Variants in NT5E observed in about 807,000 individuals in gnomAD.
NT5E encodes the protein 5'-nucleotidase ecto, also known as 5'-nucleotidase.
In NT5E, 53 loss-of-function variants were observed where a neutral mutation model predicts 55.1. That is an observed-to-expected ratio of 0.96 (90% CI 0.77 to 1.21). The LOEUF is 1.21. Among genes scored for constraint, NT5E ranks in the 50% most tolerant of loss-of-function variants. The pLI is 0.00. For missense variants in NT5E, 683 were observed against 724.3 expected, an observed-to-expected ratio of 0.94 and a Z score of 0.65; for synonymous variants, 270 against 278.4, an observed-to-expected ratio of 0.97 and a Z score of 0.30.
chr6:85,450,093 A>G lies in NT5E; in HGVS notation c.-47A>G. 1 of 1,482,334 alleles carries G rather than the reference A, an allele frequency of 6.7e-7. No individual in the cohort carries two copies. The highest frequency in any genetic ancestry group is 2.5e-5 in the East Asian group (1 of 40,334). 91.8% of individuals were successfully genotyped at this position (1,482,334 alleles called of 1,614,324 possible). The stretch of plus-strand genomic sequence containing the variant: ...TAGCTGCTCGCCCCTACTCGCCGGC[A>G]CTCGCCCGGCTCGCCCGCTTTCGCA... On this transcript the variant is annotated 5_prime_UTR_variant, in exon 1 of 9. Coordinates refer to ENST00000257770, the MANE Select transcript of NT5E (RefSeq NM_002526.4). This position sits in a 1 kb window ranked among gnomAD's most constrained non-coding sequence, Gnocchi z 4.0.
At chr6:85,477,134 C>T (rs1471638138) in intron 3 of NT5E, among the ~76,000 whole-genome samples, 2 of 152,032 alleles carry the variant, frequency 1.3e-5, no homozygotes, top group African/African-American at 2.4e-5. Context: ...CACCTTCAGA[C>T]TTATGAAAGC....
At chr6:85,474,477 A>C (rs1769384549) in intron 3 of NT5E, among the ~76,000 whole-genome samples, 1 of 152,226 alleles carries the variant, frequency 6.6e-6, no homozygotes, top group African/African-American at 2.4e-5. Context: ...GAGTTTGCTT[A>C]TCTGTAAATC....
At chr6:85,475,692 C>A (rs148396072) in intron 3 of NT5E, among the ~76,000 whole-genome samples, 2 of 152,292 alleles carry the variant, frequency 1.3e-5, no homozygotes, top group African/African-American at 4.8e-5. Flanking sequence ...CTTGAAGGGA[C>A]TCCAAAGATG....
chr6:85,487,517 G>T (rs1769693482), intron 5 of NT5E, 28 bp downstream of exon 5: 1 of 1,613,666 alleles, frequency 6.2e-7, no homozygotes, highest in Non-Finnish European at 8.5e-7. Flanking sequence ...GTGGACATAT[G>T]CTAGGGAGGA....
rs751032063 is a variant in NT5E at position 85,490,606 on chromosome 6, C to G, written c.1309C>G (p.His437Asp). The G allele has an allele frequency of 3.2e-5, 52 of 1,614,086 alleles. No individual in the cohort carries two copies. The Admixed American group carries it at 8.5e-4, about 26-fold the overall frequency. The stretch of plus-strand genomic sequence containing the variant: ...TTCCACCCTGAAGAAGGCCTTTGAG[C>G]ATAGCGTGCACCGCTACGGCCAGTC... ...KGSTLKKAFE[H>D]SVHRYGQSTG... The change falls in exon 7 of 9, where the codon CAT (histidine) becomes GAT (aspartate). Residue 437 changes from histidine (H) to aspartate (D), a missense_variant. Coordinates refer to ENST00000257770, the MANE Select transcript of NT5E (RefSeq NM_002526.4).
intron 1 of NT5E, 67 bp from the exon 2 acceptor site, chr6:85,466,993 A>G (rs1169281041): frequency 7.0e-7 from 1 of 1,438,004 alleles, no homozygotes; most frequent in East Asian, 2.4e-5. Context: ...GTCAGTTTTG[A>G]GAAATACTGG....
chr6:85,483,984 C>T (rs964898565), intron 3 of NT5E, among the ~76,000 whole-genome samples: 3 of 152,082 alleles, frequency 2.0e-5, no homozygotes, highest in South Asian at 2.1e-4. Context: ...GCTGTGTGAC[C>T]GTGGGTACTC....
At chr6:85,479,766 C>G (rs1769506397) in intron 3 of NT5E, among the ~76,000 whole-genome samples, 1 of 152,216 alleles carries the variant, frequency 6.6e-6, no homozygotes, top group African/African-American at 2.4e-5. Flanking sequence ...CTCTCCACCC[C>G]ATTCTTTTGG....
At chr6:85,460,349 A>C (rs1437711217) in intron 1 of NT5E, among the ~76,000 whole-genome samples, 2 of 152,226 alleles carry the variant, frequency 1.3e-5, no homozygotes, top group East Asian at 3.8e-4. Context: ...GCAAGGAGTT[A>C]CTGTCAATCA....
At chr6:85,467,393 G>A in intron 2 of NT5E, 111 bp downstream of exon 2, 1 of 867,538 alleles carries the variant, frequency 1.2e-6, no homozygotes, top group Non-Finnish European at 1.9e-6. Flanking sequence ...GGTAAATAGT[G>A]CACTAGAATA....
At position 85,467,166 on chromosome 6, in the gene NT5E, C is replaced by G; in HGVS notation, c.446C>G (p.Pro149Arg). Residue 149 changes from proline (P) to arginine (R), a missense_variant, in exon 2 of 9, where the codon CCA becomes CGA. Transcript: ENST00000257770. ...AGTGCAAACATTAAAGCAAAGGGGC[C>G]ACTAGCATCTCAAATATCAGGACTT... ...ILSANIKAKGPLASQISGLYL... is the reference protein window; with the variant it reads ...ILSANIKAKGRLASQISGLYL... The G allele has an allele frequency of 6.2e-7, 1 of 1,614,094 alleles. No homozygotes were observed. The highest frequency in any genetic ancestry group is 8.5e-7 in the Non-Finnish European group (1 of 1,179,980).
Position 85,450,275 on chromosome 6 carries a change from G to C in NT5E, c.136G>C (p.Glu46Gln). The change falls in exon 1 of 9, where the codon GAG becomes CAG. Residue 46 changes from glutamate to glutamine, a missense_variant. Coordinates refer to ENST00000257770, the MANE Select transcript of NT5E (RefSeq NM_002526.4). The surrounding 1 kb of genome is among the most constrained non-coding windows in gnomAD (Gnocchi z 4.0). ...GCACAGCCGGCTGGAGCAGACCAGC[G>C]AGGACTCCAGCAAGTGCGTCAACGC... is the stretch of plus-strand genomic sequence containing the variant. ...DVHSRLEQTS[E>Q]DSSKCVNASR... 6.2e-7 allele frequency: 1 copy of C among 1,608,442 alleles called. No individual in the cohort carries two copies.
chr6:85,458,362 G>A (rs1390699973), intron 1 of NT5E, among the ~76,000 whole-genome samples: 2 of 152,342 alleles, frequency 1.3e-5, no homozygotes, highest in East Asian at 3.9e-4. Flanking sequence ...GTGGCCTCAG[G>A]CCTCTGCTTC....
chr6:85,486,959 A>G (rs1181972037), intron 4 of NT5E, among the ~76,000 whole-genome samples: 1 of 152,244 alleles, frequency 6.6e-6, no homozygotes, highest in East Asian at 1.9e-4. Flanking sequence ...GCCAGATGGG[A>G]AAGGGGCCCA....
Position 85,471,442 on chromosome 6 carries a change from G to A in NT5E, c.751+17G>A. 1.2e-6 allele frequency: 2 copies of A among 1,609,372 alleles called. No individual in the cohort carries two copies. The highest frequency in any genetic ancestry group is 1.7e-6 in the Non-Finnish European group (2 of 1,176,784). On this transcript the variant is annotated intron_variant, in intron 3 of 8. Coordinates refer to ENST00000257770, the MANE Select transcript of NT5E (RefSeq NM_002526.4). ...TTTACACAGGTAATTGTTTCAAAAG[G>A]ATTGCATGGGCCAGGATGTCCAGAT...
chr6:85,466,387 C>T (rs1325697543), intron 1 of NT5E, among the ~76,000 whole-genome samples: 1 of 152,188 alleles, frequency 6.6e-6, no homozygotes, highest in Non-Finnish European at 1.5e-5. Context: ...CCATGGAGTT[C>T]TTCCCCAGAT....
At chr6:85,482,706 G>T (rs1487395172) in intron 3 of NT5E, among the ~76,000 whole-genome samples, 2 of 152,208 alleles carry the variant, frequency 1.3e-5, no homozygotes, top group African/African-American at 2.4e-5. Flanking sequence ...CTTCCTTCCT[G>T]CCAAGATGAC....
intron 3 of NT5E, among the ~76,000 whole-genome samples, chr6:85,480,225 G>T (rs1016332559): frequency 1.3e-5 from 2 of 152,200 alleles, no homozygotes; most frequent in Non-Finnish European, 2.9e-5. Context: ...TGGATTTCAT[G>T]AGGGCTTTGT....
chr6:85,475,134 C>T (rs867794409), intron 3 of NT5E, among the ~76,000 whole-genome samples: 1 of 152,152 alleles, frequency 6.6e-6, no homozygotes, highest in South Asian at 2.1e-4. Context: ...TAATACATCC[C>T]TTGGAATTTT....
Sources: allele counts gnomAD v4.1 joint callset (sites outside exome capture counted in the v4.1 genomes callset), GRCh38; gene constraint gnomAD v4.1.1; non-coding constraint Gnocchi (gnomAD v3.1); transcripts MANE v1.5; gene names NCBI Gene and HGNC (gene_info 2026-07-23, HGNC 2026-07-21).